Variants in UBE2D3 observed in about 807,000 individuals in gnomAD.
UBE2D3 encodes ubiquitin conjugating enzyme E2 D3.
Under a neutral mutation model 22.8 loss-of-function variants are expected in UBE2D3, and 2 were observed. That is an observed-to-expected ratio of 0.09 (90% CI 0.04 to 0.28). The LOEUF is 0.28. UBE2D3 is among the 10% of genes least tolerant of loss of function. UBE2D3 has a pLI of 1.00. For missense variants in UBE2D3, 27 were observed against 182.5 expected (o/e 0.15, Z 4.91); for synonymous variants, 56 against 60.4 (o/e 0.93, Z 0.34).
intron 2 of UBE2D3, among the ~76,000 whole-genome samples, chr4:102,822,941 A>G (rs909812209): frequency 1.3e-5 from 2 of 152,184 alleles, no homozygotes; most frequent in Admixed American, 6.5e-5. Flanking sequence ...GTCTCCAACA[A>G]CAACAAAAAA....
At chr4:102,866,359 A>C (rs1733145230) in intron 1 of UBE2D3, among the ~76,000 whole-genome samples, 1 of 152,230 alleles carries the variant, frequency 6.6e-6, no homozygotes, top group Admixed American at 6.5e-5. Flanking sequence ...AGCCAACCAT[A>C]AAAAATTACA....
At chr4:102,868,662 T>C (rs1348467015) in intron 1 of UBE2D3, 8 of 1,613,082 alleles carry the variant, frequency 5.0e-6, no homozygotes, top group Admixed American at 1.7e-5. Flanking sequence ...ACCCAAACTG[T>C]AGGGGAAGAG....
intron 2 of UBE2D3, among the ~76,000 whole-genome samples, chr4:102,824,099 C>T (rs1360799200): frequency 3.3e-5 from 5 of 152,170 alleles, no homozygotes; most frequent in African/African-American, 1.2e-4. Flanking sequence ...TTAACATTAA[C>T]AGCTGAAAAA....
intron 1 of UBE2D3, among the ~76,000 whole-genome samples, chr4:102,855,727 C>T (rs935155205): frequency 6.6e-6 from 1 of 152,172 alleles, no homozygotes; most frequent in Non-Finnish European, 1.5e-5. Flanking sequence ...CCAGTTCATT[C>T]AGCAGTTTTT....
intron 1 of UBE2D3, among the ~76,000 whole-genome samples, chr4:102,848,266 T>G (rs1296191277): frequency 1.3e-5 from 2 of 152,076 alleles, no homozygotes; most frequent in African/African-American, 2.4e-5. Flanking sequence ...ATCCCAGCAC[T>G]TTGGGAGGCA....
intron 1 of UBE2D3, among the ~76,000 whole-genome samples, chr4:102,842,731 T>C (rs1269186384): frequency 6.6e-6 from 1 of 152,138 alleles, no homozygotes; most frequent in Non-Finnish European, 1.5e-5. Flanking sequence ...AGGCAAAATA[T>C]GTGGCAGGCG....
chr4:102,868,816 C>T (rs1733316042), exon 1 of UBE2D3: 1 of 1,606,636 alleles, frequency 6.2e-7, no homozygotes, highest in Admixed American at 1.7e-5. Context: ...GTTAAAGGCC[C>T]AAGAGGAGGG....
intron 2 of UBE2D3, among the ~76,000 whole-genome samples, chr4:102,814,369 A>G (rs1578245896): frequency 6.7e-6 from 1 of 149,606 alleles, no homozygotes; most frequent in African/African-American, 2.5e-5. Context: ...GTTCACTGCA[A>G]CCTCCTCCTC....
chr4:102,865,195 T>A (rs1733087536), intron 1 of UBE2D3, among the ~76,000 whole-genome samples: 1 of 152,052 alleles, frequency 6.6e-6, no homozygotes, highest in African/African-American at 2.4e-5. Flanking sequence ...AATTTCAGTA[T>A]AAAAACAGAC....
chr4:102,835,371 A>G (rs926620441), intron 1 of UBE2D3, among the ~76,000 whole-genome samples: 2 of 152,240 alleles, frequency 1.3e-5, no homozygotes, highest in Admixed American at 6.5e-5. Flanking sequence ...GGCATTTTAT[A>G]TCATGGATTT....
At chr4:102,849,835 CAG>C (rs373225530) in intron 1 of UBE2D3, among the ~76,000 whole-genome samples, 15 of 152,262 alleles carry the variant, frequency 9.9e-5, no homozygotes, top group South Asian at 4.1e-4. Context: ...GGAGCAGTGA[CAG>C]GGGACGGGGG....
upstream of UBE2D3, among the ~76,000 whole-genome samples, chr4:102,831,439 A>C (rs548443929): frequency 6.6e-6 from 1 of 152,342 alleles, no homozygotes; most frequent in African/African-American, 2.4e-5. Context: ...ATTTTTCCAC[A>C]CAAAAACATA....
intron 2 of UBE2D3, among the ~76,000 whole-genome samples, chr4:102,816,542 T>C (rs1728800504): frequency 6.6e-6 from 1 of 152,240 alleles, no homozygotes; most frequent in Admixed American, 6.5e-5. Flanking sequence ...ATAAATCCCT[T>C]ATTTAATCTG....
At chr4:102,806,510 A>G (rs573427837) in intron 4 of UBE2D3, among the ~76,000 whole-genome samples, 1 of 152,318 alleles carries the variant, frequency 6.6e-6, no homozygotes, top group East Asian at 1.9e-4. Flanking sequence ...CTTGAAAAAA[A>G]AGTTGAAAAA....
chr4:102,848,921 C>CTGTGTGTG (rs147050383), intron 1 of UBE2D3, among the ~76,000 whole-genome samples: 58 of 142,832 alleles, frequency 4.1e-4, no homozygotes, highest in Middle Eastern at 3.6e-3. Context: ...TTATGTGTGC[C>CTGTGTGTG]TGTGTGTGTG....
At chr4:102,828,287 G>A (rs223388), upstream of UBE2D3, 489,294 of 984,214 alleles carry the variant, frequency 0.5, 122,962 homozygotes, top group African/African-American at 0.68. Flanking sequence ...GTCTAGCTCG[G>A]GCCGGGATTT....
At chr4:102,802,349 C>T in intron 5 of UBE2D3, 1 of 354,708 alleles carries the variant, frequency 2.8e-6, no homozygotes, top group Non-Finnish European at 5.1e-6. Context: ...CTGAATCTTG[C>T]AACATTAAAG....
chr4:102,853,449 C>G (rs1408113559), intron 1 of UBE2D3, among the ~76,000 whole-genome samples: 1 of 151,916 alleles, frequency 6.6e-6, no homozygotes, highest in Non-Finnish European at 1.5e-5. Context: ...ATCATAAGGT[C>G]TAGTAAAATA....
chr4:102,807,244 A>C (rs965947168), intron 4 of UBE2D3, among the ~76,000 whole-genome samples: 1 of 152,212 alleles, frequency 6.6e-6, no homozygotes, highest in Admixed American at 6.5e-5. Context: ...AACCATACTC[A>C]CAAAATAAGC....
Sources: gnomAD v4.1 joint callset for allele counts (sites outside exome capture counted in the v4.1 genomes callset) on GRCh38, gnomAD v4.1.1 for gene constraint, MANE v1.5 for transcripts, NCBI Gene and HGNC (gene_info 2026-07-23, HGNC 2026-07-21) for gene names.